The following KCNK2 variants were observed in gnomAD, a reference collection of about 807,000 sequenced individuals.
KCNK2 encodes potassium channel subfamily K member 2.
Under a neutral mutation model 40.5 loss-of-function variants are expected in KCNK2, and 21 were observed. The observed-to-expected ratio is 0.52, with a 90% confidence interval of 0.37 to 0.75. The LOEUF (loss-of-function observed/expected upper bound fraction) is 0.75. KCNK2 is among the 30% of genes least tolerant of loss of function. The probability of loss-of-function intolerance (pLI) is 0.00; values close to 1 mark genes in which losing one functional copy is unlikely to be tolerated. For synonymous variants in KCNK2, 191 were observed against 202.2 expected (o/e 0.94, Z 0.47); for missense variants, 399 against 531.6 (o/e 0.75, Z 2.45).
chr1:215,100,643 C>A lies in KCNK2; in HGVS notation c.357+13965C>A, dbSNP rs775933128. ...ATTGCTGGTTGCGGTTCTGATGTTC[C>A]TATTGTACTAGGAGATGGTTTCTCA... On this transcript the variant is annotated intron_variant, in intron 2 of 6. Transcript: ENST00000444842. 5.9e-4 allele frequency among the ~76,000 whole-genome samples: 89 copies of A among 151,940 alleles called. 1 individual carries two copies. Among genetic ancestry groups the A allele is most frequent in the Non-Finnish European group, 1.1e-3 (77 of 67,940 alleles).
chr1:215,229,062 A>G (rs1666511496), intron 6 of KCNK2, among the ~76,000 whole-genome samples: 1 of 152,094 alleles, frequency 6.6e-6, no homozygotes, highest in South Asian at 2.1e-4. Context: ...ATTTTGCAAT[A>G]TATTTATTTT....
At chr1:215,128,039 C>T (rs1661510063) in intron 3 of KCNK2, among the ~76,000 whole-genome samples, 1 of 152,144 alleles carries the variant, frequency 6.6e-6, no homozygotes, top group African/African-American at 2.4e-5. Context: ...TGAATAAATA[C>T]ACATTTACAA....
intron 1 of KCNK2, among the ~76,000 whole-genome samples, chr1:215,027,137 GT>G (rs1190301085): frequency 6.6e-6 from 1 of 151,928 alleles, no homozygotes; most frequent in African/African-American, 2.4e-5. Flanking sequence ...AATGCCAGTA[GT>G]TTTTTTCTCT....
intron 6 of KCNK2, among the ~76,000 whole-genome samples, chr1:215,203,362 G>A (rs561499873): frequency 2.0e-5 from 3 of 151,970 alleles, no homozygotes; most frequent in Non-Finnish European, 4.4e-5. Context: ...TTTCTTTTTT[G>A]GTAAAATTAA....
In KCNK2 at chr1:215,064,306, G is replaced by GGT. The variant is rs139901340; in HGVS notation, c.35-22051_35-22050dup. 2.6e-3 allele frequency among the ~76,000 whole-genome samples: 396 copies of GGT among 151,722 alleles called. 1 individual carries two copies. The highest frequency in any genetic ancestry group is 8.5e-3 in the African/African-American group (350 of 41,370). ...ATTTTTTGTGCTATAATGCCTCGGG[G>GGT]GTGTGTGTGTGTACGTGTTTTTGTT... is the stretch of plus-strand genomic sequence containing the variant. On this transcript the variant is annotated intron_variant, in intron 1 of 6. Transcript: ENST00000391895.
At chr1:215,182,040 C>G (rs544521373) in intron 5 of KCNK2, among the ~76,000 whole-genome samples, 50 of 152,310 alleles carry the variant, frequency 3.3e-4, no homozygotes, top group African/African-American at 1.1e-3. Flanking sequence ...TGGGGGAGAT[C>G]TAAACTCTTA....
chr1:215,167,253 G>T (rs1663487124), intron 3 of KCNK2, among the ~76,000 whole-genome samples: 1 of 151,712 alleles, frequency 6.6e-6, no homozygotes. Context: ...AAATCTCAAT[G>T]GATTCCAACA....
chr1:215,069,160 A>G (rs1345428721), intron 1 of KCNK2, among the ~76,000 whole-genome samples: 1 of 152,184 alleles, frequency 6.6e-6, no homozygotes, highest in Non-Finnish European at 1.5e-5. Context: ...GTGAGGATAG[A>G]TGCGTAGACA....
chr1:215,024,417 A>G (rs1656925459), intron 1 of KCNK2, among the ~76,000 whole-genome samples: 1 of 152,212 alleles, frequency 6.6e-6, no homozygotes, highest in African/African-American at 2.4e-5. Flanking sequence ...GCAGTGAATA[A>G]TATGTTTCTA....
intron 1 of KCNK2, among the ~76,000 whole-genome samples, chr1:215,007,023 ATATATATATATATATG>A (rs1656155230): frequency 3.9e-5 from 1 of 25,846 alleles, no homozygotes; most frequent in Non-Finnish European, 1.2e-4. Context: ...ATATATATAT[ATATATATATATATATG>A]TGTGTGTGTG....
intron 6 of KCNK2, among the ~76,000 whole-genome samples, chr1:215,212,328 A>G (rs1231134782): frequency 6.6e-6 from 1 of 152,078 alleles, no homozygotes; most frequent in Admixed American, 6.6e-5. Flanking sequence ...AGTTGATTCT[A>G]TTTTAAGTAT....
At chr1:215,171,774 TTGA>T (rs1266840190) in intron 4 of KCNK2, among the ~76,000 whole-genome samples, 2 of 152,166 alleles carry the variant, frequency 1.3e-5, no homozygotes, top group Non-Finnish European at 2.9e-5. Context: ...GATTGATTTA[TTGA>T]TGATACCTAA....
At chr1:215,093,146 C>T (rs967412685) in intron 2 of KCNK2, among the ~76,000 whole-genome samples, 3 of 151,772 alleles carry the variant, frequency 2.0e-5, no homozygotes, top group African/African-American at 7.3e-5. Flanking sequence ...TTGAAATGAA[C>T]AGAGATTCTA....
intron 2 of KCNK2, among the ~76,000 whole-genome samples, chr1:215,087,440 G>A (rs952556980): frequency 7.2e-5 from 11 of 152,322 alleles, no homozygotes; most frequent in African/African-American, 2.6e-4. Flanking sequence ...ATCACAGTAA[G>A]TTTCAGTTAG....
At chr1:215,097,501 A>G (rs1660030401) in intron 2 of KCNK2, among the ~76,000 whole-genome samples, 1 of 96,582 alleles carries the variant, frequency 1.0e-5, no homozygotes, top group Non-Finnish European at 2.8e-5. Flanking sequence ...TAATAAAGAA[A>G]AATTTTTTTT....
intron 4 of KCNK2, among the ~76,000 whole-genome samples, chr1:215,171,631 G>A (rs1226920478): frequency 2.6e-5 from 4 of 152,102 alleles, no homozygotes; most frequent in Non-Finnish European, 5.9e-5. Flanking sequence ...AAATATTTCA[G>A]AAGTACTCTA....
At chr1:215,195,144 G>C (rs754485837) in intron 6 of KCNK2, 52 bp downstream of exon 6, 16 of 1,301,690 alleles carry the variant, frequency 1.2e-5, no homozygotes, top group Non-Finnish European at 1.7e-5. Flanking sequence ...TTCAATAAAG[G>C]TTATTTTAAA....
intron 1 of KCNK2, among the ~76,000 whole-genome samples, chr1:215,045,725 T>TTCAA (rs1243688331): frequency 1.3e-5 from 2 of 152,196 alleles, no homozygotes; most frequent in Admixed American, 1.3e-4. Flanking sequence ...TTAATAGTTA[T>TTCAA]TCAAGATGCC....
At chr1:215,176,007 T>C (rs1344270189) in intron 5 of KCNK2, among the ~76,000 whole-genome samples, 1 of 152,148 alleles carries the variant, frequency 6.6e-6, no homozygotes, top group Non-Finnish European at 1.5e-5. Flanking sequence ...TTTGCATATA[T>C]AGCCAGTAAT....
Sources: allele counts gnomAD v4.1 joint callset (sites outside exome capture counted in the v4.1 genomes callset), GRCh38; gene constraint gnomAD v4.1.1; transcripts MANE v1.5; gene names NCBI Gene and HGNC (gene_info 2026-07-23, HGNC 2026-07-21).